The following KCNAB1 variants were observed in gnomAD, a reference collection of about 807,000 sequenced individuals.
KCNAB1 encodes the protein potassium voltage-gated channel subfamily A regulatory beta subunit 1.
Under a neutral mutation model 64.6 loss-of-function variants are expected in KCNAB1, and 35 were observed. That is an observed-to-expected ratio of 0.54 (90% CI 0.41 to 0.72). The LOEUF (loss-of-function observed/expected upper bound fraction) is 0.72. Ranked by LOEUF, KCNAB1 falls within the 30% of genes least tolerant of loss-of-function variation. The pLI, the probability that KCNAB1 is intolerant of heterozygous loss-of-function variation, is 0.00. For synonymous variants in KCNAB1, 177 were observed against 183.8 expected (o/e 0.96, Z 0.30); for missense variants, 401 against 512.9 (o/e 0.78, Z 2.11).
At chr3:156,179,406 C>T (rs921279357) in intron 1 of KCNAB1, among the ~76,000 whole-genome samples, 2 of 150,214 alleles carry the variant, frequency 1.3e-5, no homozygotes, top group Non-Finnish European at 3.0e-5. Context: ...TTATTATTCC[C>T]TGGTTTGGAA....
chr3:156,406,153 G>A (rs936342185), intron 1 of KCNAB1, among the ~76,000 whole-genome samples: 4 of 152,138 alleles, frequency 2.6e-5, no homozygotes, highest in Admixed American at 1.3e-4. Context: ...TAAATTCAGA[G>A]AGCAATATTT....
chr3:156,140,655 A>G (rs1714654354), intron 1 of KCNAB1, among the ~76,000 whole-genome samples: 4 of 152,184 alleles, frequency 2.6e-5, no homozygotes, highest in Admixed American at 1.3e-4. Flanking sequence ...ACATAACACT[A>G]AAAAAATTCA....
intron 8 of KCNAB1, among the ~76,000 whole-genome samples, chr3:156,509,939 T>G (rs1717088055): frequency 6.6e-6 from 1 of 152,216 alleles, no homozygotes; most frequent in African/African-American, 2.4e-5. Flanking sequence ...AAACCCACCT[T>G]GGCCATCAGT....
At chr3:156,164,997 G>A (rs2108315415) in intron 1 of KCNAB1, among the ~76,000 whole-genome samples, 1 of 152,288 alleles carries the variant, frequency 6.6e-6, no homozygotes, top group African/African-American at 2.4e-5. Context: ...AAGCAAATAG[G>A]CCGGGCGCGG....
intron 8 of KCNAB1, among the ~76,000 whole-genome samples, chr3:156,478,786 T>C (rs1485695422): frequency 5.3e-5 from 8 of 152,166 alleles, no homozygotes; most frequent in African/African-American, 1.7e-4. Context: ...CAGAAAAAGA[T>C]TAACTGCAGC....
At chr3:156,482,387 T>C (rs1714886819) in intron 8 of KCNAB1, among the ~76,000 whole-genome samples, 1 of 151,804 alleles carries the variant, frequency 6.6e-6, no homozygotes, top group Non-Finnish European at 1.5e-5. Context: ...ATCCTATCCT[T>C]AGAAAAATCA....
At chr3:156,139,089 T>C (rs992046970) in intron 1 of KCNAB1, among the ~76,000 whole-genome samples, 1 of 152,248 alleles carries the variant, frequency 6.6e-6, no homozygotes, top group African/African-American at 2.4e-5. Flanking sequence ...ACTGTCCTTC[T>C]CAGCTGTTCA....
intron 1 of KCNAB1, among the ~76,000 whole-genome samples, chr3:156,254,873 A>G (rs1326497596): frequency 2.0e-5 from 3 of 152,246 alleles, no homozygotes; most frequent in Non-Finnish European, 2.9e-5. Flanking sequence ...CTTTGGGCTT[A>G]GGTAATATAC....
At chr3:156,204,822 A>G (rs1239619484) in intron 1 of KCNAB1, among the ~76,000 whole-genome samples, 2 of 151,664 alleles carry the variant, frequency 1.3e-5, no homozygotes, top group Admixed American at 6.6e-5. Context: ...ACAGAGTGAG[A>G]CTCTGTCTCA....
At chr3:156,158,066 G>C (rs915598589) in intron 1 of KCNAB1, among the ~76,000 whole-genome samples, 2 of 151,570 alleles carry the variant, frequency 1.3e-5, no homozygotes, top group Non-Finnish European at 2.9e-5. Flanking sequence ...TGGGAAGGCT[G>C]AGGCAGGAGA....
intron 1 of KCNAB1, among the ~76,000 whole-genome samples, chr3:156,249,580 G>GAAA (rs1240749018): frequency 6.7e-6 from 1 of 148,952 alleles, no homozygotes; most frequent in Admixed American, 6.7e-5. Context: ...AGAAAAAAAA[G>GAAA]AAAAAAAAAG....
At position 156,326,733 on chromosome 3, in the gene KCNAB1, T is replaced by C. The variant is rs995684614; in HGVS notation, c.276-94883T>C. Among the ~76,000 whole-genome samples, 7 of 152,184 alleles carry C rather than the reference T, an allele frequency of 4.6e-5. No homozygotes were observed. The South Asian group carries it at 1.4e-3, about 31-fold the overall frequency. On this transcript the variant is annotated intron_variant, in intron 1 of 13. Transcript: ENST00000490337. ...TCTCACAGCATTTGGCATGGCTCCC[T>C]TCTGTACTTCATTCAGTTCTCTGCT...
At chr3:156,434,783 G>A (rs1716475276) in intron 2 of KCNAB1, among the ~76,000 whole-genome samples, 2 of 152,272 alleles carry the variant, frequency 1.3e-5, no homozygotes, top group African/African-American at 4.8e-5. Context: ...TAACTAGTGG[G>A]GTGGAGTCCC....
At chr3:156,435,162 C>T (rs16826139) in intron 2 of KCNAB1, among the ~76,000 whole-genome samples, 5,441 of 152,222 alleles carry the variant, frequency 0.036, 331 homozygotes, top group African/African-American at 0.13. Flanking sequence ...CCAGGGAAAA[C>T]GGGCAGGGCA....
chr3:156,120,162 A>G (rs1022094712), upstream of KCNAB1, among the ~76,000 whole-genome samples: 1 of 152,218 alleles, frequency 6.6e-6, no homozygotes, highest in African/African-American at 2.4e-5. Flanking sequence ...TTCACATTAA[A>G]ACTTTTAAAA....
intron 1 of KCNAB1, among the ~76,000 whole-genome samples, chr3:156,375,165 T>C (rs562897272): frequency 1.5e-5 from 2 of 136,006 alleles, no homozygotes; most frequent in Non-Finnish European, 3.1e-5. Flanking sequence ...CCTATATTCA[T>C]AGTCCAACTT....
intron 1 of KCNAB1, among the ~76,000 whole-genome samples, chr3:156,321,525 C>T (rs150189591): frequency 8.1e-4 from 124 of 152,328 alleles, no homozygotes; most frequent in Middle Eastern, 3.4e-3. Flanking sequence ...TTCTCAGCTG[C>T]GATACTAGGC....
intron 8 of KCNAB1, among the ~76,000 whole-genome samples, chr3:156,482,002 C>G (rs1400129688): frequency 6.6e-6 from 1 of 152,034 alleles, no homozygotes; most frequent in Non-Finnish European, 1.5e-5. Context: ...GTCCAAGGCC[C>G]TGAAATTATA....
At chr3:156,421,520 C>T (rs1715464439) in intron 1 of KCNAB1, 96 bp from the exon 2 acceptor site, 1 of 1,290,422 alleles carries the variant, frequency 7.7e-7, no homozygotes, top group African/African-American at 1.5e-5. Context: ...CAGGACTCAT[C>T]AAGAATCTGC....
Sources: allele counts gnomAD v4.1 joint callset (sites outside exome capture counted in the v4.1 genomes callset), GRCh38; gene constraint gnomAD v4.1.1; transcripts MANE v1.5; gene names NCBI Gene and HGNC (gene_info 2026-07-23, HGNC 2026-07-21).